The following TTC29 variants were observed in gnomAD, a reference collection of about 807,000 sequenced individuals.
TTC29 encodes tetratricopeptide repeat domain 29, also known as tetratricopeptide repeat protein 29.
TTC29 carries 49 observed loss-of-function variants against 58.1 expected under a neutral mutation model. The observed-to-expected ratio is 0.84, with a 90% CI of 0.67 to 1.07. TTC29 has a LOEUF of 1.07. Among genes scored for constraint, TTC29 ranks in the 50% least tolerant of loss-of-function variants. The pLI is 0.00. For missense variants in TTC29, 582 were observed against 555.6 expected, an observed-to-expected ratio of 1.05 and a Z score of -0.48; for synonymous variants, 209 against 196.8, an observed-to-expected ratio of 1.06 and a Z score of -0.52.
chr4:146,738,614 C>T (rs150918810), intron 11 of TTC29, among the ~76,000 whole-genome samples: 1 of 152,176 alleles, frequency 6.6e-6, no homozygotes, highest in Non-Finnish European at 1.5e-5. Flanking sequence ...CTCCCATAGC[C>T]CTGTTACAGT....
At chr4:146,816,367 C>T (rs1751406240) in intron 10 of TTC29, among the ~76,000 whole-genome samples, 1 of 151,928 alleles carries the variant, frequency 6.6e-6, no homozygotes, top group Admixed American at 6.6e-5. Context: ...AAAAAGTAAG[C>T]AAAAGCAAAT....
intron 4 of TTC29, among the ~76,000 whole-genome samples, chr4:146,933,057 C>CA (rs34870490): frequency 0.49 from 66,883 of 137,028 alleles, 15,964 homozygotes; most frequent in African/African-American, 0.62. Flanking sequence ...GACTCCGTCT[C>CA]AAAAAAAAAA....
chr4:146,789,601 A>AT (rs1488982166), intron 11 of TTC29, among the ~76,000 whole-genome samples: 5 of 152,138 alleles, frequency 3.3e-5, no homozygotes, highest in African/African-American at 1.2e-4. Flanking sequence ...CTTCAATGTC[A>AT]TTTTTTCCTC....
At chr4:146,924,290 C>G (rs1488011160) in intron 4 of TTC29, among the ~76,000 whole-genome samples, 2 of 151,712 alleles carry the variant, frequency 1.3e-5, no homozygotes, top group Admixed American at 1.3e-4. Context: ...AGAACTGTTT[C>G]TTCCTTTTCT....
chr4:146,811,037 A>C (rs1750989294), intron 10 of TTC29, among the ~76,000 whole-genome samples: 1 of 152,292 alleles, frequency 6.6e-6, no homozygotes, highest in Non-Finnish European at 1.5e-5. Flanking sequence ...ATTTCTGAAA[A>C]ATATGATCGT....
intron 6 of TTC29, among the ~76,000 whole-genome samples, chr4:146,900,778 AAT>A (rs1399736708): frequency 2.0e-5 from 3 of 152,190 alleles, no homozygotes; most frequent in African/African-American, 4.8e-5. Context: ...CAACCAAGTG[AAT>A]ATACTTAACA....
chr4:146,801,865 G>A (rs1162508837), intron 11 of TTC29, among the ~76,000 whole-genome samples: 1 of 150,130 alleles, frequency 6.7e-6, no homozygotes, highest in East Asian at 2.0e-4. Flanking sequence ...TGTGGTCCCA[G>A]CTCCTCAGGA....
intron 10 of TTC29, among the ~76,000 whole-genome samples, chr4:146,814,058 G>A (rs1182731173): frequency 6.6e-6 from 1 of 152,100 alleles, no homozygotes; most frequent in Non-Finnish European, 1.5e-5. Flanking sequence ...ACTCTTAAGT[G>A]GTATGAAACT....
At chr4:146,873,167 A>C (rs1731044838) in intron 7 of TTC29, among the ~76,000 whole-genome samples, 1 of 152,074 alleles carries the variant, frequency 6.6e-6, no homozygotes. Context: ...CATGTAAACC[A>C]ATGTGAGGGG....
intron 11 of TTC29, among the ~76,000 whole-genome samples, chr4:146,755,357 A>C (rs573032935): frequency 6.6e-6 from 1 of 152,320 alleles, no homozygotes; most frequent in South Asian, 2.1e-4. Flanking sequence ...TCTTCACTGA[A>C]ATAGGAAAAA....
intron 4 of TTC29, among the ~76,000 whole-genome samples, chr4:146,920,712 T>A (rs1734523470): frequency 6.6e-6 from 1 of 151,160 alleles, no homozygotes; most frequent in African/African-American, 2.4e-5. Context: ...TTTGATAAAA[T>A]TTTTAAAAAG....
At position 146,740,712 on chromosome 4, in the gene TTC29, A is replaced by G. The variant is rs1203102061; in HGVS notation, c.1331-33161T>C. Among the ~76,000 whole-genome samples, 3 of 152,154 alleles carry G rather than the reference A, an allele frequency of 2.0e-5. No homozygotes were observed. The East Asian group carries it at 5.8e-4, about 29-fold the overall frequency. ...TAAAATCATCCTAAATATTTTTAAA[A>G]TAATTTTTTTAAAATTTTTTAGAGA... On this transcript the variant is annotated intron_variant, in intron 11 of 12. Coordinates refer to ENST00000325106, the MANE Select transcript of TTC29 (RefSeq NM_031956.4).
intron 6 of TTC29, among the ~76,000 whole-genome samples, chr4:146,883,068 A>T (rs1194276200): frequency 1.3e-5 from 2 of 152,000 alleles, no homozygotes; most frequent in African/African-American, 4.8e-5. Context: ...CTCTTGCCTA[A>T]ATTCACATAC....
At chr4:146,744,171 A>G (rs889783975) in intron 11 of TTC29, among the ~76,000 whole-genome samples, 9 of 152,330 alleles carry the variant, frequency 5.9e-5, no homozygotes, top group African/African-American at 2.2e-4. Flanking sequence ...CAAATGAAGA[A>G]GGCTTTTGTT....
intron 11 of TTC29, 32 bp downstream of exon 11, chr4:146,803,425 A>C: frequency 4.2e-6 from 6 of 1,415,008 alleles, no homozygotes; most frequent in Non-Finnish European, 5.8e-6. Context: ...AATGATATGA[A>C]AACTAAAGTG....
At chr4:146,735,660 G>A (rs768020992) in intron 11 of TTC29, among the ~76,000 whole-genome samples, 2 of 152,108 alleles carry the variant, frequency 1.3e-5, no homozygotes, top group South Asian at 2.1e-4. Context: ...AGCCATGGGC[G>A]ACTGGCTTTA....
chr4:146,802,045 A>C (rs1292635509), intron 11 of TTC29, among the ~76,000 whole-genome samples: 1 of 150,796 alleles, frequency 6.6e-6, no homozygotes, highest in Non-Finnish European at 1.5e-5. Flanking sequence ...GATGGCCTCG[A>C]ATAGACATAG....
At chr4:146,710,358 C>T (rs989972890) in intron 11 of TTC29, among the ~76,000 whole-genome samples, 2 of 152,108 alleles carry the variant, frequency 1.3e-5, no homozygotes, top group African/African-American at 4.8e-5. Context: ...ATGCATTGCA[C>T]CACAGTGTTA....
intron 6 of TTC29, among the ~76,000 whole-genome samples, chr4:146,879,119 C>A (rs982724013): frequency 5.9e-5 from 9 of 152,210 alleles, no homozygotes; most frequent in Admixed American, 3.9e-4. Flanking sequence ...AATAAGCCAG[C>A]AAGAAGATAA....
Sources: gnomAD v4.1 joint callset for allele counts (sites outside exome capture counted in the v4.1 genomes callset) on GRCh38, gnomAD v4.1.1 for gene constraint, MANE v1.5 for transcripts, NCBI Gene and HGNC (gene_info 2026-07-23, HGNC 2026-07-21) for gene names.